The following PRKN variants were observed in gnomAD, a reference collection of about 807,000 sequenced individuals.
PRKN encodes parkin RBR E3 ubiquitin protein ligase, also known as E3 ubiquitin-protein ligase parkin.
Under a neutral mutation model 59.5 loss-of-function variants are expected in PRKN, and 56 were observed. The observed-to-expected ratio is 0.94, with a 90% confidence interval of 0.76 to 1.18. The LOEUF (loss-of-function observed/expected upper bound fraction) is 1.18, where lower values mean the gene tolerates loss of function less well. Among genes scored for constraint, PRKN ranks in the 50% most tolerant of loss-of-function variants. The pLI is 0.00. For missense variants in PRKN, 657 were observed against 596.4 expected, an observed-to-expected ratio of 1.10 and a Z score of -1.06; for synonymous variants, 250 against 222.1, an observed-to-expected ratio of 1.13 and a Z score of -1.12.
chr6:161,569,113 T>C (rs1462058888), intron 8 of PRKN, among the ~76,000 whole-genome samples: 2 of 152,244 alleles, frequency 1.3e-5, no homozygotes, highest in Non-Finnish European at 2.9e-5. Context: ...GCTTCCTGCT[T>C]GAGTCTTGAG....
chr6:162,701,575 C>A (rs1778153200), intron 1 of PRKN, among the ~76,000 whole-genome samples: 1 of 151,510 alleles, frequency 6.6e-6, no homozygotes, highest in African/African-American at 2.4e-5. Context: ...TAAAAAAATA[C>A]AAGTCCAGCA....
In PRKN at chr6:161,579,683, T is replaced by C. The variant is rs919303749; in HGVS notation, c.872-10267A>G. 5.9e-5 allele frequency among the ~76,000 whole-genome samples: 9 copies of C among 152,062 alleles called. No individual in the cohort carries two copies. Among genetic ancestry groups the C allele is most frequent in the African/African-American group, 1.9e-4 (8 of 41,394 alleles). On this transcript the variant is annotated intron_variant, in intron 7 of 11. Transcript: ENST00000366898. This position sits in a 1 kb window ranked among gnomAD's most constrained non-coding sequence, Gnocchi z 4.2. Reference sequence around the variant, plus strand: ...ATGCAATTCCTTAAATGGAGGAATTTCTTAAATGGACACAATTCCTTAAAA... The same window carrying C: ...ATGCAATTCCTTAAATGGAGGAATTCCTTAAATGGACACAATTCCTTAAAA...
rs1006081169 is a variant in PRKN at position 161,414,328 on chromosome 6, G to A, written c.1084-27451C>T. Among the ~76,000 whole-genome samples the A allele has an allele frequency of 3.3e-5, 5 of 152,152 alleles. No individual in the cohort carries two copies. Among genetic ancestry groups the A allele is most frequent in the Non-Finnish European group, 7.3e-5 (5 of 68,028 alleles). ...GCGGCCAGTCTCTGTGTTCTCGGGCGCTCTGTGTCAGGTCCTGGTATTTAT... is the reference window on the plus strand; with the variant it reads ...GCGGCCAGTCTCTGTGTTCTCGGGCACTCTGTGTCAGGTCCTGGTATTTAT... On this transcript the variant is annotated intron_variant, in intron 9 of 11. Coordinates refer to ENST00000366898, the MANE Select transcript of PRKN (RefSeq NM_004562.3). The surrounding 1 kb of genome is among the most constrained non-coding windows in gnomAD (Gnocchi z 5.3).
chr6:162,694,012 C>A (rs376650218), intron 1 of PRKN, among the ~76,000 whole-genome samples: 14 of 151,974 alleles, frequency 9.2e-5, no homozygotes, highest in African/African-American at 3.1e-4. Context: ...CTTTGGGAGG[C>A]CGAGGCGGGC....
intron 4 of PRKN, among the ~76,000 whole-genome samples, chr6:162,195,481 T>C (rs1347637158): frequency 6.6e-6 from 1 of 152,244 alleles, no homozygotes; most frequent in Non-Finnish European, 1.5e-5. Flanking sequence ...ATTTAGACTG[T>C]ATTTCTTAAT....
chr6:162,384,522 A>C (rs147632491), intron 2 of PRKN, among the ~76,000 whole-genome samples: 1 of 152,220 alleles, frequency 6.6e-6, no homozygotes, highest in Non-Finnish European at 1.5e-5. Flanking sequence ...AAGCAGATAA[A>C]GTGATAAACT....
At chr6:162,600,247 A>G (rs145143137) in intron 1 of PRKN, among the ~76,000 whole-genome samples, 1 of 152,152 alleles carries the variant, frequency 6.6e-6, no homozygotes, top group African/African-American at 2.4e-5. Context: ...ACTCGTGTTC[A>G]GTTCCTTTCA....
rs560880555 is a variant in PRKN at position 162,242,442 on chromosome 6, G to C, written c.412+20083C>G. ...AGTAGTCAGAGCGACATATGCTATT[G>C]AAGTAATGTGTTCCTTTATTTTCTA... is the stretch of plus-strand genomic sequence containing the variant. On this transcript the variant is annotated intron_variant, in intron 3 of 11. Transcript: ENST00000366898. 2.2e-3 allele frequency among the ~76,000 whole-genome samples: 336 copies of C among 152,240 alleles called. 1 individual carries two copies. The highest frequency in any genetic ancestry group is 6.8e-3 in the Middle Eastern group (2 of 294).
rs116233854 is a variant in PRKN, at chr6:161,433,249, G to C, written c.1084-46372C>G. ...AAAAATGGAAGAAATTCATATTGAGGGCTGTCTGATTCCAGCTGTAAGCAG... is the reference window on the plus strand; with the variant it reads ...AAAAATGGAAGAAATTCATATTGAGCGCTGTCTGATTCCAGCTGTAAGCAG... On this transcript the variant is annotated intron_variant, in intron 9 of 11. Transcript: ENST00000366898. 8.8e-3 allele frequency among the ~76,000 whole-genome samples: 1,335 copies of C among 152,190 alleles called. 32 individuals are homozygous for C. The highest frequency in any genetic ancestry group is 0.03 in the African/African-American group (1,260 of 41,518).
At chr6:162,539,883 TAAAG>T (rs1778859177) in intron 1 of PRKN, among the ~76,000 whole-genome samples, 1 of 152,150 alleles carries the variant, frequency 6.6e-6, no homozygotes, top group South Asian at 2.1e-4. Context: ...CCCACCTACC[TAAAG>T]AGTTATTTCT....
At chr6:162,136,568 T>C (rs1409887657) in intron 4 of PRKN, among the ~76,000 whole-genome samples, 1 of 152,242 alleles carries the variant, frequency 6.6e-6, no homozygotes, top group Non-Finnish European at 1.5e-5. Context: ...TTTAATTTCC[T>C]AGGCATAAGT....
chr6:161,550,738 C>CTGTGTGTGT lies in PRKN; in HGVS notation c.934-1736_934-1735insACACACACA, dbSNP rs1554275154. On this transcript the variant is annotated intron_variant, in intron 8 of 11. Transcript: ENST00000366898. The surrounding 1 kb of genome is among the most constrained non-coding windows in gnomAD (Gnocchi z 4.0). ...AAGAAAGGGTATGTGTGTGTGTGCA[C>CTGTGTGTGT]GTGTGTGTGTGTGTGTGTGTGTGTA... Among the ~76,000 whole-genome samples, 137 of 146,308 alleles carry CTGTGTGTGT rather than the reference C, an allele frequency of 9.4e-4. No homozygotes were observed. Among genetic ancestry groups the CTGTGTGTGT allele is most frequent in the African/African-American group, 2.5e-3 (96 of 38,750 alleles).
chr6:162,153,093 G>C (rs1469715192), intron 4 of PRKN, among the ~76,000 whole-genome samples: 6 of 152,218 alleles, frequency 3.9e-5, no homozygotes, highest in African/African-American at 1.4e-4. Context: ...TTCAAGGCTA[G>C]AAAATAGTAT....
chr6:161,969,378 C>T (rs1179540586), intron 6 of PRKN, among the ~76,000 whole-genome samples: 1 of 151,490 alleles, frequency 6.6e-6, no homozygotes, highest in Non-Finnish European at 1.5e-5. Flanking sequence ...AAGTGACCAG[C>T]CTGTGCACTG....
chr6:161,417,925 G>A lies in PRKN; in HGVS notation c.1084-31048C>T, dbSNP rs1037025081. On this transcript the variant is annotated intron_variant, in intron 9 of 11. Coordinates refer to ENST00000366898, the MANE Select transcript of PRKN (RefSeq NM_004562.3). The surrounding 1 kb of genome is among the most constrained non-coding windows in gnomAD (Gnocchi z 5.4). ...AGACGCAGACTCAGTGGCCCACCCAGGGGCATGAGTAATGCTGGGAGCTGC... is the reference window on the plus strand; with the variant it reads ...AGACGCAGACTCAGTGGCCCACCCAAGGGCATGAGTAATGCTGGGAGCTGC... Among the ~76,000 whole-genome samples the A allele has an allele frequency of 3.3e-5, 5 of 152,204 alleles. No homozygotes were observed. Among genetic ancestry groups the A allele is most frequent in the Admixed American group, 2.0e-4 (3 of 15,280 alleles).
chr6:161,778,512 C>A (rs1383054482), intron 7 of PRKN, among the ~76,000 whole-genome samples: 1 of 152,092 alleles, frequency 6.6e-6, no homozygotes, highest in Admixed American at 6.5e-5. Context: ...CCAAAAATAG[C>A]CAGTAGTCCC....
rs183427313 is a variant in PRKN at position 162,604,821 on chromosome 6, C to T, written c.7+122841G>A. Among the ~76,000 whole-genome samples, 1,487 of 151,912 alleles carry T rather than the reference C, an allele frequency of 9.8e-3. 67 individuals are homozygous for T. The highest frequency in any genetic ancestry group is 0.075 in the Admixed American group (1,145 of 15,226). ...TCAATGGTGAAATTGATTTGAAACC[C>T]CACTATTTATCAGCCTCCAGCAAAA... On this transcript the variant is annotated intron_variant, in intron 1 of 11. Transcript: ENST00000366898.
At chr6:162,109,542 GC>G (rs1311736899) in intron 4 of PRKN, among the ~76,000 whole-genome samples, 8 of 152,198 alleles carry the variant, frequency 5.3e-5, no homozygotes, top group Non-Finnish European at 1.0e-4. Context: ...AGGAAGGAAA[GC>G]TACAGATGAG....
intron 1 of PRKN, among the ~76,000 whole-genome samples, chr6:162,502,025 G>T (rs1185261224): frequency 6.6e-6 from 1 of 152,186 alleles, no homozygotes; most frequent in Non-Finnish European, 1.5e-5. Context: ...AGGAAGACCA[G>T]GGTGGGTGGG....
Sources: gnomAD v4.1 joint callset for allele counts (sites outside exome capture counted in the v4.1 genomes callset) on GRCh38, gnomAD v4.1.1 for gene constraint, Gnocchi (gnomAD v3.1) non-coding constraint, MANE v1.5 for transcripts, NCBI Gene and HGNC (gene_info 2026-07-23, HGNC 2026-07-21) for gene names.